The following LRRC23 variants were observed in gnomAD, a reference collection of about 807,000 sequenced individuals.
The protein encoded by LRRC23 is leucine rich repeat containing 23.
A neutral mutation model predicts 37.7 loss-of-function variants in LRRC23; 28 were observed. That is an observed-to-expected ratio of 0.74 (90% confidence interval 0.55 to 1.02). The LOEUF is 1.02. Among genes scored for constraint, LRRC23 ranks in the 50% least tolerant of loss-of-function variants. LRRC23 has a pLI of 0.00. For synonymous variants in LRRC23, 161 were observed against 165.4 expected, an observed-to-expected ratio of 0.97 and a Z score of 0.20; for missense variants, 377 against 413.2, an observed-to-expected ratio of 0.91 and a Z score of 0.76.
In LRRC23 at chr12:6,909,943, C is replaced by CTTGG; in HGVS notation, c.675_676insTTGG (p.Thr226LeufsTer11). The CTTGG allele has an allele frequency of 6.2e-7, 1 of 1,613,802 alleles. No individual in the cohort carries two copies. Among genetic ancestry groups the CTTGG allele is most frequent in the Non-Finnish European group, 8.5e-7 (1 of 1,179,914 alleles). On this transcript the variant is annotated frameshift_variant, in exon 6 of 8. Coordinates refer to ENST00000443597, the MANE Select transcript of LRRC23 (RefSeq NM_001135217.2). LOFTEE classifies it high-confidence loss of function. The stretch of plus-strand genomic sequence containing the variant: ...GCTTGGAGGATCTGAGCAATCTCAC[C>CTTGG]ACCTTGCATCTTCGAGACAACCAGA...
chr12:6,905,115 TG>T (rs1555139289), intron 1 of LRRC23, 40 bp downstream of exon 1: 1 of 161,632 alleles, frequency 6.2e-6, no homozygotes, highest in Non-Finnish European at 1.4e-5. Context: ...GTGGGAGGGT[TG>T]GAGACTGCGC....
intron 6 of LRRC23, among the ~76,000 whole-genome samples, chr12:6,912,111 T>C (rs1200353881): frequency 3.9e-5 from 6 of 152,162 alleles, no homozygotes; most frequent in African/African-American, 1.4e-4. Context: ...TAGGTTCTCT[T>C]TGTGGAGAGC....
rs1555140992 is a variant in LRRC23, at chr12:6,913,035, A to G, written c.*24+8A>G. ...TTCTAGCCTCTAAAGATAGTAAGGA[A>G]GCCTGCAGGGAGGCAGTGGGAGGAG... On this transcript the variant is annotated splice_region_variant and intron_variant, in intron 7 of 7. Coordinates refer to ENST00000443597, the MANE Select transcript of LRRC23 (RefSeq NM_001135217.2). The G allele has an allele frequency of 6.2e-7, 1 of 1,608,656 alleles. No individual in the cohort carries two copies.
At chr12:6,908,620 A>G (rs1303954432) in intron 5 of LRRC23, among the ~76,000 whole-genome samples, 1 of 65,686 alleles carries the variant, frequency 1.5e-5, no homozygotes, top group Admixed American at 1.4e-4. Flanking sequence ...AAAAAAAAAA[A>G]CCAAAGAAAA....
intron 6 of LRRC23, among the ~76,000 whole-genome samples, chr12:6,912,501 G>A (rs1335862343): frequency 1.3e-5 from 2 of 152,148 alleles, no homozygotes; most frequent in Non-Finnish European, 2.9e-5. Context: ...ACACATGAAT[G>A]TATTACAGAG....
chr12:6,912,875 C>T lies in LRRC23; in HGVS notation c.904C>T (p.Leu302=), dbSNP rs549215304. The part of the protein sequence containing the change: ...ALVQMPYLER[L]DKEFYEEEER... ...GGTGCAGATGCCATACCTTGAACGCCTGGACAAGGAATTCTATGAGGAGGA... is the reference window on the plus strand; with the variant it reads ...GGTGCAGATGCCATACCTTGAACGCTTGGACAAGGAATTCTATGAGGAGGA... Residue 302 remains leucine (L), a synonymous_variant, in exon 7 of 8, where the codon CTG becomes TTG. Coordinates refer to ENST00000443597, the MANE Select transcript of LRRC23 (RefSeq NM_001135217.2). The T allele has an allele frequency of 1.2e-6, 2 of 1,614,118 alleles. No homozygotes were observed. The highest frequency in any genetic ancestry group is 1.7e-6 in the Non-Finnish European group (2 of 1,180,032).
chr12:6,908,424 C>CT (rs782474026), intron 5 of LRRC23, among the ~76,000 whole-genome samples: 66 of 151,842 alleles, frequency 4.3e-4, no homozygotes, highest in Non-Finnish European at 7.5e-4. Context: ...TGGCGAAACT[C>CT]TGTCTCTACT....
rs782004221 is a variant in LRRC23, at chr12:6,912,839, C to T, written c.868C>T (p.Gln290Ter). The T allele has an allele frequency of 1.8e-5, 29 of 1,614,178 alleles. No individual in the cohort carries two copies. The highest frequency in any genetic ancestry group is 2.4e-5 in the Non-Finnish European group (28 of 1,180,038). The stretch of plus-strand genomic sequence containing the variant: ...ATGCACGGACGAAACCAGCTACCGC[C>T]AGGAGGCCCTGGTGCAGATGCCATA... ...NPCTDETSYR[Q>*]EALVQMPYLE... Residue 290 changes from glutamine to a stop codon, truncating the protein, a stop_gained, in exon 7 of 8, where the codon CAG becomes TAG. Transcript: ENST00000443597. LOFTEE classifies it high-confidence loss of function.
Position 6,909,445 on chromosome 12 carries a change from G to A in LRRC23, c.622-445G>A, listed in dbSNP as rs1565554301. Among the ~76,000 whole-genome samples the A allele has an allele frequency of 8.9e-5, 6 of 67,580 alleles. 1 individual carries two copies. The highest frequency in any genetic ancestry group is 6.2e-4 in the East Asian group (1 of 1,622). The allele number at this position is 67,580 out of a possible 152,430, so 44.3% of individuals were successfully genotyped here. A position where few individuals can be genotyped will look rare whatever the true frequency, so the allele number is the denominator to read the frequency against. On this transcript the variant is annotated intron_variant, in intron 5 of 7. Transcript: ENST00000443597. ...TAATATATAAATATTATATATAATA[G>A]TATATAATATATAATATATAATATA... is the stretch of plus-strand genomic sequence containing the variant.
In LRRC23 at chr12:6,906,543, G is replaced by T. The variant is rs2071073; in HGVS notation, c.371G>T (p.Arg124Leu). Residue 124 changes from arginine (R) to leucine (L), a missense_variant, in exon 4 of 8, where the codon CGG (arginine) becomes CTG (leucine). Physicochemically the swap from Arg to Leu is moderately radical, Grantham distance 102 (BLOSUM62 -2). Around this residue, in one of 3 missense-constraint regions of LRRC23, gnomAD observed 266 missense variants for 285.6 expected, o/e 0.93. Transcript: ENST00000443597. ...HLLWLKADGN[R>L]LRSAQMNELP... ...CTCTGGCTCAAGGCTGATGGCAATC[G>T]GCTGCGAAGTGCCCAGATGAATGAA... 0.022 allele frequency: 35,173 copies of T among 1,614,082 alleles called. 2,943 individuals carry two copies. In the East Asian group the frequency reaches 0.25, roughly 11 times the overall value.
chr12:6,909,118 TA>T lies in LRRC23; in HGVS notation c.622-770del, dbSNP rs1945045502. The stretch of plus-strand genomic sequence containing the variant: ...ATTATATATAATATATAATTACATA[TA>T]ATATATAATATATAATTATATATTA... On this transcript the variant is annotated intron_variant, in intron 5 of 7. Transcript: ENST00000443597. 3.8e-4 allele frequency among the ~76,000 whole-genome samples: 8 copies of T among 21,314 alleles called. 3 individuals are homozygous for T. The African/African-American group carries it at 5.1e-3, about 14-fold the overall frequency. The allele number at this position is 21,314 out of a possible 152,430, so 14.0% of individuals were successfully genotyped here.
At position 6,907,080 on chromosome 12, in the gene LRRC23, A is replaced by T. The variant is rs782522834; in HGVS notation, c.491-235A>T. 2.0e-5 allele frequency among the ~76,000 whole-genome samples: 3 copies of T among 152,268 alleles called. No homozygotes were observed. The East Asian group carries it at 5.8e-4, about 29-fold the overall frequency. The stretch of plus-strand genomic sequence containing the variant: ...ATTGAAGAAGGAGAGGGAATTAGAC[A>T]TGTCAGCTGCTTCATTCACTCTTCA... On this transcript the variant is annotated intron_variant, in intron 4 of 7. Transcript: ENST00000443597.
intron 5 of LRRC23, among the ~76,000 whole-genome samples, chr12:6,908,815 C>T (rs1447270794): frequency 8.7e-6 from 1 of 114,384 alleles, no homozygotes; most frequent in African/African-American, 4.9e-5. Flanking sequence ...CAGAGCTAGA[C>T]TCTGTTTCAA....
chr12:6,909,794 T>C (rs1312942428), intron 5 of LRRC23, 96 bp from the exon 6 acceptor site: 18 of 1,210,834 alleles, frequency 1.5e-5, no homozygotes, highest in Non-Finnish European at 2.1e-5. Context: ...CCTCTCTACC[T>C]CTTGGATTTC....
rs59114585 is a variant in LRRC23, at chr12:6,911,516, A to AG, written c.759-1208dup. ...GAGAGTAAGTCGGGTGTGTGTGTGG[A>AG]GGGGGGTGAGGGTGTCTCAATGATT... On this transcript the variant is annotated intron_variant, in intron 6 of 7. Transcript: ENST00000443597. Among the ~76,000 whole-genome samples, 31 of 151,364 alleles carry AG rather than the reference A, an allele frequency of 2.0e-4. 1 individual carries two copies. The highest frequency in any genetic ancestry group is 2.0e-3 in the Admixed American group (30 of 15,206).
chr12:6,913,916 C>T lies in LRRC23; in HGVS notation c.*50C>T. ...GAGATCAAAGACGCTGGCCTTCAGA[C>T]CTGATCAGACTCCCAGGGGCAGCCA... On this transcript the variant is annotated 3_prime_UTR_variant, in exon 8 of 8. Transcript: ENST00000443597. 1.2e-6 allele frequency: 2 copies of T among 1,606,928 alleles called. No individual in the cohort carries two copies. Among genetic ancestry groups the T allele is most frequent in the Non-Finnish European group, 1.7e-6 (2 of 1,176,788 alleles).
In LRRC23 at chr12:6,905,873, T is replaced by C. The variant is rs995916033; in HGVS notation, c.155T>C (p.Met52Thr). 2 of 1,613,820 alleles carry C rather than the reference T, an allele frequency of 1.2e-6. No individual in the cohort carries two copies. Among genetic ancestry groups the C allele is most frequent in the Non-Finnish European group, 8.5e-7 (1 of 1,179,960 alleles). The change falls in exon 3 of 8, where the codon ATG becomes ACG. Residue 52 changes from methionine (M) to threonine (T), a missense_variant. Around this residue, in one of 3 missense-constraint regions of LRRC23, gnomAD observed 106 missense variants for 105.9 expected, o/e 1.00. Transcript: ENST00000443597. ...EWLPTPLTED[M>T]MKEGLSLLCK... ...CTGCCCACCCCCCTCACGGAGGACA[T>C]GATGAAGGAAGGGCTTTCTCTGCTC...
chr12:6,912,283 C>G (rs138861249), intron 6 of LRRC23, among the ~76,000 whole-genome samples: 35 of 152,274 alleles, frequency 2.3e-4, no homozygotes, highest in African/African-American at 7.7e-4. Flanking sequence ...GTAGCAAGGA[C>G]TACAGGTGTA....
rs782020273 is a variant in LRRC23, at chr12:6,913,903, G to A, written c.*37G>A. On this transcript the variant is annotated 3_prime_UTR_variant, in exon 8 of 8. Coordinates refer to ENST00000443597, the MANE Select transcript of LRRC23 (RefSeq NM_001135217.2). ...CTTCTACCTCCAGGAGATCAAAGAC[G>A]CTGGCCTTCAGACCTGATCAGACTC... 2 of 1,592,982 alleles carry A rather than the reference G, an allele frequency of 1.3e-6. No individual in the cohort carries two copies. The highest frequency in any genetic ancestry group is 1.7e-6 in the Non-Finnish European group (2 of 1,171,056).
Sources: allele counts gnomAD v4.1 joint callset (sites outside exome capture counted in the v4.1 genomes callset), GRCh38; gene constraint gnomAD v4.1.1; regional missense constraint gnomAD v4.1.1; transcripts MANE v1.5; gene names NCBI Gene and HGNC (gene_info 2026-07-23, HGNC 2026-07-21).